Variants in OPCML observed in about 807,000 individuals in gnomAD.
The protein encoded by OPCML is opioid-binding protein/cell adhesion molecule.
In OPCML, 13 loss-of-function variants were observed where a neutral mutation model predicts 37.8. The ratio of observed to expected loss-of-function variants is 0.34; its 90% CI spans 0.22 to 0.55. The LOEUF is 0.55. OPCML is among the 20% of genes least tolerant of loss of function. The pLI, the probability that OPCML is intolerant of heterozygous loss-of-function variation, is 0.91. For synonymous variants in OPCML, 176 were observed against 168.8 expected, an observed-to-expected ratio of 1.04 and a Z score of -0.33; for missense variants, 341 against 435.6, an observed-to-expected ratio of 0.78 and a Z score of 1.93.
chr11:133,040,437 G>A (rs1947868349), intron 1 of OPCML, among the ~76,000 whole-genome samples: 1 of 152,176 alleles, frequency 6.6e-6, no homozygotes, highest in African/African-American at 2.4e-5. Context: ...CTTTTCCTGT[G>A]AGTCAAAGCC....
At chr11:132,963,819 T>C (rs991485079) in intron 1 of OPCML, among the ~76,000 whole-genome samples, 2 of 152,144 alleles carry the variant, frequency 1.3e-5, no homozygotes, top group Non-Finnish European at 2.9e-5. Flanking sequence ...CATTCGAACA[T>C]TGTCTCTGTC....
At chr11:132,953,021 A>G (rs1038218153) in intron 1 of OPCML, among the ~76,000 whole-genome samples, 13 of 152,208 alleles carry the variant, frequency 8.5e-5, no homozygotes, top group African/African-American at 2.9e-4. Flanking sequence ...AAAGTTATCT[A>G]TGAGGTTCCC....
At chr11:132,558,002 T>C (rs2096399804) in intron 3 of OPCML, among the ~76,000 whole-genome samples, 1 of 147,580 alleles carries the variant, frequency 6.8e-6, no homozygotes, top group South Asian at 2.2e-4. Context: ...TGCTCACACA[T>C]ACACACACGG....
intron 1 of OPCML, among the ~76,000 whole-genome samples, chr11:133,457,728 A>T (rs1946702757): frequency 6.6e-6 from 1 of 152,162 alleles, no homozygotes; most frequent in Non-Finnish European, 1.5e-5. Flanking sequence ...AAAATGGGAA[A>T]CAAATTATGA....
chr11:133,497,806 T>C (rs1947816367), intron 1 of OPCML, among the ~76,000 whole-genome samples: 1 of 152,232 alleles, frequency 6.6e-6, no homozygotes, highest in South Asian at 2.1e-4. Flanking sequence ...GGCTATCTGC[T>C]TGAAACAGCC....
At chr11:132,976,396 C>T (rs1946465320) in intron 1 of OPCML, among the ~76,000 whole-genome samples, 1 of 152,142 alleles carries the variant, frequency 6.6e-6, no homozygotes, top group Non-Finnish European at 1.5e-5. Context: ...GTTTTCGCAT[C>T]AGAAAGATCT....
intron 2 of OPCML, among the ~76,000 whole-genome samples, chr11:132,818,365 G>T (rs1380154994): frequency 6.6e-6 from 1 of 151,910 alleles, no homozygotes; most frequent in Non-Finnish European, 1.5e-5. Flanking sequence ...AAAGTCGACT[G>T]CCCTCCGTAA....
chr11:133,085,433 C>A (rs181986497), intron 1 of OPCML, among the ~76,000 whole-genome samples: 177 of 152,316 alleles, frequency 1.2e-3, no homozygotes, highest in African/African-American at 3.9e-3. Flanking sequence ...TCTTTGAGAT[C>A]AATGGTGGTG....
chr11:132,497,427 A>C (rs2096234985), intron 4 of OPCML, among the ~76,000 whole-genome samples: 2 of 152,022 alleles, frequency 1.3e-5, no homozygotes, highest in African/African-American at 4.8e-5. Context: ...AAAAAAAAAA[A>C]AAAGAAAAAT....
At chr11:132,858,806 G>A (rs369899531) in intron 2 of OPCML, among the ~76,000 whole-genome samples, 14 of 152,126 alleles carry the variant, frequency 9.2e-5, no homozygotes, top group Middle Eastern at 3.2e-3. Context: ...AAGTACGTTC[G>A]CAAACCTAAT....
At chr11:132,666,503 G>A (rs1367334043) in intron 2 of OPCML, among the ~76,000 whole-genome samples, 1 of 152,188 alleles carries the variant, frequency 6.6e-6, no homozygotes, top group Admixed American at 6.5e-5. Flanking sequence ...TCTAGATGAG[G>A]TTTGGAGAGA....
chr11:132,839,235 C>T (rs1449907184), intron 2 of OPCML, among the ~76,000 whole-genome samples: 2 of 152,162 alleles, frequency 1.3e-5, no homozygotes, highest in African/African-American at 2.4e-5. Flanking sequence ...AATCTTGGAA[C>T]GGCCTTGGGA....
At chr11:132,879,620 C>T (rs1307869707) in intron 2 of OPCML, among the ~76,000 whole-genome samples, 2 of 152,160 alleles carry the variant, frequency 1.3e-5, no homozygotes, top group African/African-American at 4.8e-5. Context: ...GTGAGAATAA[C>T]AAAGTTTGGT....
intron 1 of OPCML, among the ~76,000 whole-genome samples, chr11:133,265,901 C>T (rs1245808055): frequency 6.6e-6 from 1 of 152,208 alleles, no homozygotes; most frequent in Non-Finnish European, 1.5e-5. Flanking sequence ...CTCAGCCAAT[C>T]GTCTCAGATG....
At position 132,609,968 on chromosome 11, in the gene OPCML, GTCTC is replaced by G. The variant is rs1435640209; in HGVS notation, c.379+47115_379+47118del. Among the ~76,000 whole-genome samples the G allele has an allele frequency of 4.7e-5, 7 of 150,534 alleles. No homozygotes were observed. The Admixed American group carries it at 4.7e-4, about 10-fold the overall frequency. On this transcript the variant is annotated intron_variant, in intron 3 of 7. Coordinates refer to ENST00000524381, the MANE Select transcript of OPCML (RefSeq NM_001012393.5). The stretch of plus-strand genomic sequence containing the variant: ...CTTTTCCTTGTACTGACATTTGTCT[GTCTC>G]TCTAATAACCATCACACACACACAC...
chr11:133,505,480 C>G (rs984705247), intron 1 of OPCML, among the ~76,000 whole-genome samples: 2 of 152,180 alleles, frequency 1.3e-5, no homozygotes, highest in African/African-American at 4.8e-5. Context: ...CACCTGTCTT[C>G]CTCCTCCCTC....
At chr11:132,646,441 T>C (rs772160302) in intron 3 of OPCML, among the ~76,000 whole-genome samples, 6 of 152,174 alleles carry the variant, frequency 3.9e-5, no homozygotes, top group Non-Finnish European at 8.8e-5. Context: ...TCCATTAAAA[T>C]ACAAGTGGGG....
intron 1 of OPCML, among the ~76,000 whole-genome samples, chr11:133,337,645 C>T (rs1234479179): frequency 6.6e-6 from 1 of 152,150 alleles, no homozygotes; most frequent in East Asian, 1.9e-4. Context: ...AATTCTCACT[C>T]CTTACCTCAC....
At chr11:132,613,387 C>G (rs1340221972) in intron 3 of OPCML, among the ~76,000 whole-genome samples, 2 of 152,200 alleles carry the variant, frequency 1.3e-5, no homozygotes, top group Non-Finnish European at 2.9e-5. Context: ...TCAAAGACAG[C>G]TATATTTTCA....
Sources: gnomAD v4.1 joint callset for allele counts (sites outside exome capture counted in the v4.1 genomes callset) on GRCh38, gnomAD v4.1.1 for gene constraint, MANE v1.5 for transcripts, NCBI Gene and HGNC (gene_info 2026-07-23, HGNC 2026-07-21) for gene names.